SLCO1B1: variants seen among roughly 807,000 people sequenced by gnomAD.
The protein encoded by SLCO1B1 is OATP-2.
Under a neutral mutation model 70.1 loss-of-function variants are expected in SLCO1B1, and 81 were observed. That is an observed-to-expected ratio of 1.16 (90% CI 0.97 to 1.39). The LOEUF (loss-of-function observed/expected upper bound fraction) is 1.39. SLCO1B1 is among the 40% of genes most tolerant of loss of function. The probability of loss-of-function intolerance (pLI) is 0.00; values close to 1 mark genes in which losing one functional copy is unlikely to be tolerated. For synonymous variants in SLCO1B1, 283 were observed against 271.5 expected, an observed-to-expected ratio of 1.04 and a Z score of -0.42; for missense variants, 895 against 799.6, an observed-to-expected ratio of 1.12 and a Z score of -1.44.
At chr12:21,168,269 G>T (rs982944839) in intron 2 of SLCO1B1, among the ~76,000 whole-genome samples, 1 of 152,078 alleles carries the variant, frequency 6.6e-6, no homozygotes, top group Non-Finnish European at 1.5e-5. Flanking sequence ...ATATTCCATT[G>T]TGTATGTATA....
chr12:21,210,572 T>G (rs2121165118), intron 11 of SLCO1B1, among the ~76,000 whole-genome samples: 1 of 146,898 alleles, frequency 6.8e-6, no homozygotes, highest in East Asian at 2.0e-4. Flanking sequence ...ATATGAACTT[T>G]AAAGTATTTT....
intron 14 of SLCO1B1, among the ~76,000 whole-genome samples, chr12:21,237,276 A>G (rs573558395): frequency 4.5e-4 from 68 of 152,306 alleles, no homozygotes; most frequent in African/African-American, 1.6e-3. Flanking sequence ...CTTACAAGGA[A>G]GATGTACTGG....
intron 2 of SLCO1B1, among the ~76,000 whole-genome samples, chr12:21,151,869 C>A (rs908106709): frequency 1.3e-5 from 2 of 151,808 alleles, no homozygotes; most frequent in Admixed American, 1.3e-4. Flanking sequence ...CTAGGTGTAA[C>A]TTTTTGGGCA....
At chr12:21,165,096 G>A (rs1214743866) in intron 2 of SLCO1B1, among the ~76,000 whole-genome samples, 2 of 152,026 alleles carry the variant, frequency 1.3e-5, no homozygotes, top group African/African-American at 2.4e-5. Context: ...CAAGTTGTGC[G>A]TTTGACAAAT....
chr12:21,169,167 G>A (rs920208970), intron 2 of SLCO1B1, among the ~76,000 whole-genome samples: 1 of 152,086 alleles, frequency 6.6e-6, no homozygotes, highest in Admixed American at 6.6e-5. Context: ...TCTTTTAAGA[G>A]TCTCTGTTTG....
intron 7 of SLCO1B1, among the ~76,000 whole-genome samples, chr12:21,186,688 G>A (rs1277414626): frequency 6.6e-6 from 1 of 151,664 alleles, no homozygotes; most frequent in Non-Finnish European, 1.5e-5. Flanking sequence ...GAAAAAAAAA[G>A]GAAATTCATG....
At chr12:21,151,029 A>G (rs1049250933) in intron 2 of SLCO1B1, among the ~76,000 whole-genome samples, 4 of 152,230 alleles carry the variant, frequency 2.6e-5, no homozygotes, top group African/African-American at 7.2e-5. Flanking sequence ...TTGTGCAAAC[A>G]TCTTAGCGTG....
Position 21,228,771 on chromosome 12 carries a change from CT to C in SLCO1B1, c.1865+3933del, listed in dbSNP as rs1237435517. ...GGAGGTCCCAGAAAGGAATACAGCC[CT>C]GCTGATACCTTGATTTTAGCCAACT... On this transcript the variant is annotated intron_variant, in intron 14 of 14. Coordinates refer to ENST00000256958, the MANE Select transcript of SLCO1B1 (RefSeq NM_006446.5). Among the ~76,000 whole-genome samples, 8 of 152,228 alleles carry C rather than the reference CT, an allele frequency of 5.3e-5. No homozygotes were observed. In the East Asian group the frequency reaches 1.4e-3, roughly 26 times the overall value.
chr12:21,239,323 A>G lies in SLCO1B1; in HGVS notation c.*134A>G, dbSNP rs567678480. The G allele has an allele frequency of 5.3e-6, 4 of 748,768 alleles. No homozygotes were observed. In the African/African-American group the frequency reaches 7.0e-5, roughly 13 times the overall value. The allele number at this position is 748,768 out of a possible 1,614,324, so 46.4% of individuals were successfully genotyped here. A position where few individuals can be genotyped will look rare whatever the true frequency, so the allele number is the denominator to read the frequency against. ...ATCTTTTATGGTGGAAGTATAAATA[A>G]GCCTATGAACTTATAATAAAACAAA... is the stretch of plus-strand genomic sequence containing the variant. On this transcript the variant is annotated 3_prime_UTR_variant, in exon 15 of 15. Coordinates refer to ENST00000256958, the MANE Select transcript of SLCO1B1 (RefSeq NM_006446.5).
chr12:21,224,058 G>A (rs967423954), intron 13 of SLCO1B1, among the ~76,000 whole-genome samples: 1 of 152,104 alleles, frequency 6.6e-6, no homozygotes, highest in African/African-American at 2.4e-5. Context: ...CCCTAACTTA[G>A]CCTAAGCTGC....
intron 1 of SLCO1B1, among the ~76,000 whole-genome samples, chr12:21,133,775 C>T (rs932178039): frequency 1.3e-5 from 2 of 152,164 alleles, no homozygotes; most frequent in Non-Finnish European, 2.9e-5. Flanking sequence ...ATGTGATCTG[C>T]AAACAGGGAC....
intron 12 of SLCO1B1, among the ~76,000 whole-genome samples, chr12:21,221,192 C>T (rs1941419641): frequency 6.6e-6 from 1 of 152,030 alleles, no homozygotes; most frequent in Admixed American, 6.6e-5. Context: ...TATGACAAAC[C>T]CACTGCCAAC....
chr12:21,179,656 CT>C (rs1422275531), intron 7 of SLCO1B1, among the ~76,000 whole-genome samples: 2 of 152,102 alleles, frequency 1.3e-5, no homozygotes, highest in African/African-American at 2.4e-5. Flanking sequence ...GCCCTTTTCC[CT>C]AAAAATATTC....
At chr12:21,180,303 C>T (rs1054854799) in intron 7 of SLCO1B1, among the ~76,000 whole-genome samples, 4 of 152,038 alleles carry the variant, frequency 2.6e-5, no homozygotes, top group African/African-American at 9.7e-5. Context: ...AAAACTTTTC[C>T]CTCTTTTTCA....
At chr12:21,135,108 T>G (rs1037841284) in intron 1 of SLCO1B1, among the ~76,000 whole-genome samples, 2 of 152,162 alleles carry the variant, frequency 1.3e-5, no homozygotes, top group African/African-American at 2.4e-5. Flanking sequence ...AGTCATTCAG[T>G]AGCAGATTGT....
intron 2 of SLCO1B1, among the ~76,000 whole-genome samples, chr12:21,160,110 A>AAG (rs1339280054): frequency 6.6e-6 from 1 of 150,696 alleles, no homozygotes; most frequent in Non-Finnish European, 1.5e-5. Context: ...CAGAACTAAA[A>AAG]AAAAAAAAAA....
intron 2 of SLCO1B1, 94 bp downstream of exon 2, chr12:21,141,752 A>G: frequency 2.8e-6 from 2 of 724,262 alleles, no homozygotes; most frequent in Non-Finnish European, 2.4e-6. Context: ...TTATGTTTCA[A>G]ATTATAATTT....
intron 7 of SLCO1B1, among the ~76,000 whole-genome samples, chr12:21,184,844 C>T (rs557482189): frequency 6.6e-6 from 1 of 152,188 alleles, no homozygotes; most frequent in Non-Finnish European, 1.5e-5. Flanking sequence ...CAAAACTTAG[C>T]CTTCTGTTGT....
chr12:21,142,021 TA>T (rs2121040866), intron 2 of SLCO1B1, among the ~76,000 whole-genome samples: 1 of 151,382 alleles, frequency 6.6e-6, no homozygotes, highest in South Asian at 2.1e-4. Flanking sequence ...CTTAGAATAT[TA>T]ATGTCTTGAG....
Sources: allele counts gnomAD v4.1 joint callset (sites outside exome capture counted in the v4.1 genomes callset), GRCh38; gene constraint gnomAD v4.1.1; transcripts MANE v1.5; gene names NCBI Gene and HGNC (gene_info 2026-07-23, HGNC 2026-07-21).